The following HS6ST3 variants were observed in gnomAD, a reference collection of about 807,000 sequenced individuals.
HS6ST3 encodes heparan-sulfate 6-O-sulfotransferase 3.
HS6ST3 carries 12 observed loss-of-function variants against 36.7 expected under a neutral mutation model. That is an observed-to-expected ratio of 0.33 (90% CI 0.21 to 0.53). The LOEUF (loss-of-function observed/expected upper bound fraction) is 0.53, where lower values mean the gene tolerates loss of function less well. Among genes scored for constraint, HS6ST3 ranks in the 20% least tolerant of loss-of-function variants. The probability of loss-of-function intolerance (pLI) is 0.95; values close to 1 mark genes in which losing one functional copy is unlikely to be tolerated. For synonymous variants in HS6ST3, 240 were observed against 257.5 expected (o/e 0.93, Z 0.65); for missense variants, 584 against 640.9 (o/e 0.91, Z 0.96).
rs553034124 is a variant in HS6ST3 at position 96,208,865 on chromosome 13, A to G, written c.707+117296A>G. Among the ~76,000 whole-genome samples, 13 of 152,324 alleles carry G rather than the reference A, an allele frequency of 8.5e-5. No homozygotes were observed. In the East Asian group the frequency reaches 2.3e-3, roughly 27 times the overall value. On this transcript the variant is annotated intron_variant, in intron 1 of 1. Transcript: ENST00000376705. ...GGAATAGTTGTTAATACTTCAGATA[A>G]CAAGGCAGATTTTTCCCATGTATAA...
chr13:96,480,330 TC>T (rs1277260467), intron 1 of HS6ST3, among the ~76,000 whole-genome samples: 2 of 152,234 alleles, frequency 1.3e-5, no homozygotes. Flanking sequence ...GCCAGGCTGG[TC>T]TTGAACCCCT....
chr13:96,540,621 T>G (rs968368078), intron 1 of HS6ST3, among the ~76,000 whole-genome samples: 2 of 152,200 alleles, frequency 1.3e-5, no homozygotes, highest in African/African-American at 4.8e-5. Context: ...TGTCTTAACT[T>G]GATATTTTAA....
At chr13:96,688,059 C>T (rs1392640929) in intron 1 of HS6ST3, among the ~76,000 whole-genome samples, 3 of 62,736 alleles carry the variant, frequency 4.8e-5, no homozygotes, top group Non-Finnish European at 8.8e-5. Flanking sequence ...ACACACACAC[C>T]GGGGCCTGTC....
intron 1 of HS6ST3, among the ~76,000 whole-genome samples, chr13:96,579,508 C>T (rs561623879): frequency 1.1e-4 from 16 of 151,864 alleles, no homozygotes; most frequent in Admixed American, 3.3e-4. Context: ...GAAGCTGCCA[C>T]ACCAGTCCAT....
At chr13:96,707,708 G>A (rs1418929401) in intron 1 of HS6ST3, among the ~76,000 whole-genome samples, 1 of 152,166 alleles carries the variant, frequency 6.6e-6, no homozygotes, top group African/African-American at 2.4e-5. Context: ...TTTCTCCTTT[G>A]CAGTCTGTGT....
chr13:96,112,333 T>C (rs937621839), intron 1 of HS6ST3, among the ~76,000 whole-genome samples: 1 of 151,910 alleles, frequency 6.6e-6, no homozygotes, highest in African/African-American at 2.4e-5. Flanking sequence ...TTTGGGATAA[T>C]GTAAAATTGG....
chr13:96,758,566 A>G (rs1028575257), intron 1 of HS6ST3, among the ~76,000 whole-genome samples: 4 of 151,646 alleles, frequency 2.6e-5, no homozygotes, highest in African/African-American at 9.7e-5. Flanking sequence ...ACAAATTTTG[A>G]TGTTTTTATT....
Position 96,547,448 on chromosome 13 carries a change from G to A in HS6ST3, c.708-285042G>A, listed in dbSNP as rs72641892. Among the ~76,000 whole-genome samples the A allele has an allele frequency of 5.1e-3, 771 of 152,166 alleles. 7 individuals are homozygous for A. The highest frequency in any genetic ancestry group is 0.014 in the Middle Eastern group (4 of 294). On this transcript the variant is annotated intron_variant, in intron 1 of 1. Transcript: ENST00000376705. ...ACCATCAATAATATCTTTCATTAGT[G>A]TTAAATGACAGGTACTATGTTAATT... is the stretch of plus-strand genomic sequence containing the variant.
At chr13:96,530,152 T>A (rs530244145) in intron 1 of HS6ST3, among the ~76,000 whole-genome samples, 1 of 134,154 alleles carries the variant, frequency 7.5e-6, no homozygotes, top group African/African-American at 2.7e-5. Flanking sequence ...TGCATAGGAT[T>A]TCATTAAGAA....
chr13:96,770,186 G>T (rs917604138), intron 1 of HS6ST3, among the ~76,000 whole-genome samples: 1 of 152,176 alleles, frequency 6.6e-6, no homozygotes, highest in Non-Finnish European at 1.5e-5. Context: ...AAATTGTCCA[G>T]AACTATGTGT....
chr13:96,499,089 G>A (rs1004349033), intron 1 of HS6ST3, among the ~76,000 whole-genome samples: 2 of 148,232 alleles, frequency 1.3e-5, no homozygotes, highest in East Asian at 2.0e-4. Context: ...GTAGTGGCTC[G>A]ATCCCTGCTC....
At chr13:96,270,757 A>G (rs1348646497) in intron 1 of HS6ST3, among the ~76,000 whole-genome samples, 1 of 151,934 alleles carries the variant, frequency 6.6e-6, no homozygotes, top group Non-Finnish European at 1.5e-5. Flanking sequence ...GACTGGGAAA[A>G]AAAAGGAAGC....
At chr13:96,738,607 G>A (rs1876349046) in intron 1 of HS6ST3, among the ~76,000 whole-genome samples, 1 of 151,432 alleles carries the variant, frequency 6.6e-6, no homozygotes, top group South Asian at 2.1e-4. Context: ...TTTTGTAGTG[G>A]CAAAACAGTA....
intron 1 of HS6ST3, among the ~76,000 whole-genome samples, chr13:96,246,609 G>T (rs1429107413): frequency 6.6e-6 from 1 of 152,120 alleles, no homozygotes. Flanking sequence ...CAGAGAAACT[G>T]CCCTGGTAGC....
chr13:96,613,457 C>T (rs1008679594), intron 1 of HS6ST3, among the ~76,000 whole-genome samples: 2 of 152,186 alleles, frequency 1.3e-5, no homozygotes, highest in East Asian at 1.9e-4. Flanking sequence ...GACTCAGTTT[C>T]GTTCACTGCT....
chr13:96,654,447 A>T (rs750860538), intron 1 of HS6ST3, among the ~76,000 whole-genome samples: 1 of 152,204 alleles, frequency 6.6e-6, no homozygotes, highest in Non-Finnish European at 1.5e-5. Flanking sequence ...TTTTCCCAAC[A>T]CGATTTATTA....
At chr13:96,601,725 A>G (rs2056422316) in intron 1 of HS6ST3, among the ~76,000 whole-genome samples, 1 of 152,002 alleles carries the variant, frequency 6.6e-6, no homozygotes, top group South Asian at 2.1e-4. Context: ...GTTACTTCTC[A>G]TTTTGGTAGA....
chr13:96,594,455 T>A (rs1468801612), intron 1 of HS6ST3, among the ~76,000 whole-genome samples: 2 of 152,162 alleles, frequency 1.3e-5, no homozygotes, highest in Non-Finnish European at 2.9e-5. Context: ...GATAACTTGC[T>A]TTTTATTTTA....
chr13:96,273,777 CAA>C (rs1294631877), intron 1 of HS6ST3, among the ~76,000 whole-genome samples: 1 of 152,002 alleles, frequency 6.6e-6, no homozygotes, highest in African/African-American at 2.4e-5. Context: ...TGGAGTCTAA[CAA>C]AGAGTTAAAA....
Sources: gnomAD v4.1 joint callset for allele counts (sites outside exome capture counted in the v4.1 genomes callset) on GRCh38, gnomAD v4.1.1 for gene constraint, MANE v1.5 for transcripts, NCBI Gene and HGNC (gene_info 2026-07-23, HGNC 2026-07-21) for gene names.